UHRF2: variants seen among roughly 807,000 people sequenced by gnomAD.
UHRF2 encodes the protein E3 ubiquitin-protein ligase UHRF2.
UHRF2 carries 23 observed loss-of-function variants against 96.8 expected under a neutral mutation model. The observed-to-expected ratio is 0.24, with a 90% CI of 0.17 to 0.34. UHRF2 has a LOEUF of 0.34. Ranked by LOEUF, UHRF2 falls within the 10% of genes least tolerant of loss-of-function variation. The pLI, the probability that UHRF2 is intolerant of heterozygous loss-of-function variation, is 1.00. For synonymous variants in UHRF2, 385 were observed against 332.6 expected, an observed-to-expected ratio of 1.16 and a Z score of -1.72; for missense variants, 685 against 981.5, an observed-to-expected ratio of 0.70 and a Z score of 4.04.
chr9:6,489,020 G>A (rs866802376), intron 9 of UHRF2, among the ~76,000 whole-genome samples: 2 of 151,950 alleles, frequency 1.3e-5, no homozygotes, highest in Non-Finnish European at 2.9e-5. Context: ...ATGTTGGCCA[G>A]GCTGGTCTCA....
intron 2 of UHRF2, 91 bp from the exon 3 acceptor site, chr9:6,433,823 A>G: frequency 2.2e-6 from 3 of 1,362,446 alleles, no homozygotes; most frequent in Non-Finnish European, 3.0e-6. Flanking sequence ...ATTGTTTACC[A>G]TGATAACCCA....
chr9:6,460,910 C>A, intron 4 of UHRF2, 119 bp downstream of exon 4: 1 of 728,054 alleles, frequency 1.4e-6, no homozygotes, highest in Non-Finnish European at 2.1e-6. Context: ...ATGGAAATTT[C>A]CATACTGAAG....
chr9:6,498,186 G>T (rs754146105), intron 12 of UHRF2, 28 bp downstream of exon 12: 1 of 1,605,210 alleles, frequency 6.2e-7, no homozygotes, highest in East Asian at 2.2e-5. Context: ...TAGGCTGCCT[G>T]TGTGTTCATA....
At chr9:6,423,585 T>C (rs1301964327) in intron 2 of UHRF2, among the ~76,000 whole-genome samples, 3 of 152,120 alleles carry the variant, frequency 2.0e-5, no homozygotes, top group Non-Finnish European at 2.9e-5. Context: ...AGAAAACATA[T>C]TAATTTAAAA....
At chr9:6,429,016 G>A (rs1033599494) in intron 2 of UHRF2, among the ~76,000 whole-genome samples, 5 of 152,046 alleles carry the variant, frequency 3.3e-5, no homozygotes, top group African/African-American at 1.2e-4. Flanking sequence ...AATATAAAAG[G>A]TTAGACACTA....
At chr9:6,485,027 A>G (rs1824183251) in intron 8 of UHRF2, among the ~76,000 whole-genome samples, 1 of 151,642 alleles carries the variant, frequency 6.6e-6, no homozygotes, top group Non-Finnish European at 1.5e-5. Flanking sequence ...TCCCGACCTC[A>G]GGTGATCCAC....
At chr9:6,435,647 C>T (rs1458504127) in intron 3 of UHRF2, among the ~76,000 whole-genome samples, 1 of 152,102 alleles carries the variant, frequency 6.6e-6, no homozygotes, top group African/African-American at 2.4e-5. Context: ...TGCTCTGTCA[C>T]CCAGGCTGGA....
intron 2 of UHRF2, among the ~76,000 whole-genome samples, chr9:6,421,979 C>T (rs931731792): frequency 6.6e-6 from 1 of 152,092 alleles, no homozygotes; most frequent in Non-Finnish European, 1.5e-5. Context: ...TATTAACATA[C>T]CGCGGTATAT....
At chr9:6,486,499 A>C (rs1317873641) in intron 8 of UHRF2, among the ~76,000 whole-genome samples, 1 of 152,244 alleles carries the variant, frequency 6.6e-6, no homozygotes, top group Admixed American at 6.5e-5. Context: ...AGCTGAGTTG[A>C]GCTGGAAGTT....
rs538315589 is a variant in UHRF2 at position 6,487,268 on chromosome 9, C to T, written c.1497+343C>T. The stretch of plus-strand genomic sequence containing the variant: ...GCAGTGGTGTGATCTCAGCTCCCTG[C>T]AACCTCTGCCTTTGGGTTCAAGTGA... On this transcript the variant is annotated intron_variant, in intron 9 of 15. Coordinates refer to ENST00000276893, the MANE Select transcript of UHRF2 (RefSeq NM_152896.3). Among the ~76,000 whole-genome samples the T allele has an allele frequency of 2.1e-5, 3 of 140,414 alleles. No individual in the cohort carries two copies. In the South Asian group the frequency reaches 6.8e-4, roughly 32 times the overall value. 92.1% of individuals were successfully genotyped at this position (140,414 alleles called of 152,430 possible). A position where few individuals can be genotyped will look rare whatever the true frequency, so the allele number is the denominator to read the frequency against.
intron 3 of UHRF2, among the ~76,000 whole-genome samples, chr9:6,451,466 G>GTTTTTTTTTTT (rs34757017): frequency 1.4e-5 from 2 of 141,810 alleles, no homozygotes; most frequent in African/African-American, 2.6e-5. Flanking sequence ...GTTTTTTTTT[G>GTTTTTTTTTTT]TTTTTTTTTT....
intron 2 of UHRF2, among the ~76,000 whole-genome samples, chr9:6,421,721 A>T (rs1182966075): frequency 1.3e-5 from 2 of 152,118 alleles, no homozygotes; most frequent in Non-Finnish European, 2.9e-5. Flanking sequence ...CCAGCCTTAA[A>T]TACCTGTTTA....
intron 3 of UHRF2, among the ~76,000 whole-genome samples, chr9:6,443,019 A>G (rs1821270521): frequency 6.6e-6 from 1 of 152,190 alleles, no homozygotes; most frequent in Non-Finnish European, 1.5e-5. Flanking sequence ...GTCTCGGGTT[A>G]TAACTTTTAG....
chr9:6,424,888 GT>G (rs1451746268), intron 2 of UHRF2, among the ~76,000 whole-genome samples: 1 of 149,988 alleles, frequency 6.7e-6, no homozygotes, highest in East Asian at 2.0e-4. Context: ...GTCTGGGTTT[GT>G]TTTGGGGAGG....
intron 10 of UHRF2, chr9:6,496,701 G>C (rs2130959042): frequency 6.6e-6 from 1 of 152,552 alleles, no homozygotes; most frequent in South Asian, 2.1e-4. Context: ...TAAACTTTAA[G>C]GATTCTCTAT....
At chr9:6,439,283 C>G (rs755127842) in intron 3 of UHRF2, among the ~76,000 whole-genome samples, 4 of 152,162 alleles carry the variant, frequency 2.6e-5, no homozygotes, top group Non-Finnish European at 5.9e-5. Flanking sequence ...CTCCCGGGTT[C>G]AAACGATTCT....
intron 12 of UHRF2, 165 bp downstream of exon 12, chr9:6,498,323 G>C: frequency 2.6e-6 from 2 of 770,646 alleles, no homozygotes; most frequent in Non-Finnish European, 3.8e-6. Context: ...AGAAAAGGTA[G>C]TATCCTAGAT....
intron 9 of UHRF2, among the ~76,000 whole-genome samples, chr9:6,491,678 C>G (rs1587872677): frequency 6.6e-6 from 1 of 152,172 alleles, no homozygotes; most frequent in Non-Finnish European, 1.5e-5. Context: ...TAGGCAGTTG[C>G]TTTAGCAGCT....
At chr9:6,491,260 T>C (rs940094740) in intron 9 of UHRF2, among the ~76,000 whole-genome samples, 4 of 152,346 alleles carry the variant, frequency 2.6e-5, no homozygotes, top group African/African-American at 9.6e-5. Context: ...TGGAGCCATC[T>C]CTTTTCCTAG....
Sources: gnomAD v4.1 joint callset for allele counts (sites outside exome capture counted in the v4.1 genomes callset) on GRCh38, gnomAD v4.1.1 for gene constraint, MANE v1.5 for transcripts, NCBI Gene and HGNC (gene_info 2026-07-23, HGNC 2026-07-21) for gene names.